PMS1: variants seen among roughly 807,000 people sequenced by gnomAD.
The protein encoded by PMS1 is PMS1 homolog 1, mismatch repair system component.
Under a neutral mutation model 93.1 loss-of-function variants are expected in PMS1, and 79 were observed. The ratio of observed to expected loss-of-function variants is 0.85; its 90% CI spans 0.71 to 1.02. The LOEUF is 1.02. PMS1 is among the 50% of genes least tolerant of loss of function. The pLI, the probability that PMS1 is intolerant of heterozygous loss-of-function variation, is 0.00. For synonymous variants in PMS1, 335 were observed against 363.4 expected, an observed-to-expected ratio of 0.92 and a Z score of 0.89; for missense variants, 1,064 against 1,085.3, an observed-to-expected ratio of 0.98 and a Z score of 0.28.
intron 1 of PMS1, 69 bp from the exon 2 acceptor site, chr2:189,791,721 A>G (rs1184057648): frequency 3.8e-6 from 4 of 1,062,590 alleles, no homozygotes; most frequent in Middle Eastern, 2.6e-4. Context: ...ATCTGTCATT[A>G]TTATTGCCAT....
chr2:189,848,636 T>A (rs931658616), intron 6 of PMS1, among the ~76,000 whole-genome samples: 2 of 152,184 alleles, frequency 1.3e-5, no homozygotes, highest in African/African-American at 4.8e-5. Flanking sequence ...GGTTTTTTTT[T>A]CATGGTGGAT....
Position 189,843,998 on chromosome 2 carries a change from A to C in PMS1, c.617A>C (p.His206Pro). Reference sequence around the variant, plus strand: ...TGGCAGAAAAGCAGAGTATCAGATCACAAGATGGCTCTCATGTCAGTTCTG... The same window carrying C: ...TGGCAGAAAAGCAGAGTATCAGATCCCAAGATGGCTCTCATGTCAGTTCTG... ...VIWQKSRVSD[H>P]KMALMSVLGT... The change falls in exon 6 of 13, where the codon CAC becomes CCC. Residue 206 changes from histidine to proline, a missense_variant. By Grantham distance (77) the His-to-Pro change is moderately conservative. Transcript: ENST00000441310. 1 of 1,614,052 alleles carries C rather than the reference A, an allele frequency of 6.2e-7. No individual in the cohort carries two copies. The highest frequency in any genetic ancestry group is 8.5e-7 in the Non-Finnish European group (1 of 1,179,970).
chr2:189,866,511 T>C (rs558232580), intron 10 of PMS1, among the ~76,000 whole-genome samples: 2 of 152,258 alleles, frequency 1.3e-5, no homozygotes, highest in Admixed American at 6.5e-5. Context: ...AATGCGACAA[T>C]GTGGGCAGGG....
At position 189,854,449 on chromosome 2, in the gene PMS1, G is replaced by T. The variant is rs760960503; in HGVS notation, c.1177G>T (p.Asp393Tyr). 9 of 1,611,566 alleles carry T rather than the reference G, an allele frequency of 5.6e-6. No homozygotes were observed. Among genetic ancestry groups the T allele is most frequent in the Non-Finnish European group, 7.6e-6 (9 of 1,178,138 alleles). ...VDTSVIPFQNDMHNDESGKNT... is the reference protein window; with the variant it reads ...VDTSVIPFQNYMHNDESGKNT... The stretch of plus-strand genomic sequence containing the variant: ...TACTTCAGTCATTCCATTCCAAAAT[G>T]ATATGCATAATGATGAATCTGGAAA... Residue 393 changes from aspartate (D) to tyrosine (Y), a missense_variant, in exon 9 of 13, where the codon GAT becomes TAT. By Grantham distance (160) the Asp-to-Tyr change is radical. Transcript: ENST00000441310.
chr2:189,818,493 T>G (rs957752372), intron 5 of PMS1, among the ~76,000 whole-genome samples: 1 of 152,322 alleles, frequency 6.6e-6, no homozygotes, highest in Non-Finnish European at 1.5e-5. Flanking sequence ...AGTCATCTGG[T>G]ACCTTGATCT....
chr2:189,798,778 T>TTTA (rs1231590822), intron 3 of PMS1, among the ~76,000 whole-genome samples: 1 of 142,264 alleles, frequency 7.0e-6, no homozygotes, highest in Admixed American at 7.0e-5. Flanking sequence ...TTTTTTTTTT[T>TTTA]AGCTGTTGTT....
chr2:189,829,228 C>T (rs1229817126), intron 5 of PMS1, among the ~76,000 whole-genome samples: 22 of 152,100 alleles, frequency 1.4e-4, no homozygotes, highest in Admixed American at 1.2e-3. Flanking sequence ...AAGAAAGTTA[C>T]GATGTAAATG....
chr2:189,865,365 C>T (rs1266135012), intron 10 of PMS1, among the ~76,000 whole-genome samples: 2 of 152,104 alleles, frequency 1.3e-5, no homozygotes, highest in African/African-American at 4.8e-5. Flanking sequence ...CTTCTCTCCC[C>T]TATGTTTAAT....
At chr2:189,797,191 C>T (rs2049436011) in intron 3 of PMS1, among the ~76,000 whole-genome samples, 1 of 152,126 alleles carries the variant, frequency 6.6e-6, no homozygotes, top group Admixed American at 6.5e-5. Flanking sequence ...CTAACCGGTA[C>T]AGTTAGTGAG....
At chr2:189,844,706 C>G (rs1167970323) in intron 6 of PMS1, among the ~76,000 whole-genome samples, 3 of 147,444 alleles carry the variant, frequency 2.0e-5, no homozygotes, top group African/African-American at 7.5e-5. Flanking sequence ...GTACTTAAAA[C>G]TTTTTCTTGA....
intron 9 of PMS1, among the ~76,000 whole-genome samples, chr2:189,858,778 T>C (rs1463234087): frequency 6.6e-6 from 1 of 152,150 alleles, no homozygotes; most frequent in South Asian, 2.1e-4. Context: ...AACTTTAAAA[T>C]TGTGAATATA....
At chr2:189,868,295 T>C (rs2056843336) in intron 11 of PMS1, among the ~76,000 whole-genome samples, 1 of 152,182 alleles carries the variant, frequency 6.6e-6, no homozygotes, top group South Asian at 2.1e-4. Flanking sequence ...AAAATGGACA[T>C]CTTTGCTTTT....
intron 3 of PMS1, among the ~76,000 whole-genome samples, chr2:189,803,935 A>C (rs979532218): frequency 2.6e-5 from 4 of 152,118 alleles, no homozygotes; most frequent in Non-Finnish European, 5.9e-5. Context: ...CTAAGGTCTT[A>C]TTTTGCTTTT....
At chr2:189,789,962 G>A (rs559060752) in intron 1 of PMS1, among the ~76,000 whole-genome samples, 1 of 152,110 alleles carries the variant, frequency 6.6e-6, no homozygotes, top group East Asian at 1.9e-4. Context: ...TCCATAGGAC[G>A]TTTTTGGATT....
At chr2:189,816,016 A>T (rs778758126) in intron 4 of PMS1, among the ~76,000 whole-genome samples, 2 of 152,004 alleles carry the variant, frequency 1.3e-5, no homozygotes, top group Non-Finnish European at 2.9e-5. Context: ...GGATCCTCTC[A>T]CAGCCTCCCA....
intron 4 of PMS1, 149 bp from the exon 5 acceptor site, chr2:189,817,868 G>A: frequency 3.1e-6 from 2 of 649,186 alleles, no homozygotes; most frequent in Non-Finnish European, 5.7e-6. Flanking sequence ...TGGAATCAGA[G>A]TAGTTTGCAA....
At chr2:189,874,118 ACT>A (rs2057370568) in intron 12 of PMS1, among the ~76,000 whole-genome samples, 1 of 151,768 alleles carries the variant, frequency 6.6e-6, no homozygotes, top group African/African-American at 2.4e-5. Flanking sequence ...AAAAAAGAAC[ACT>A]CTATTAAGTT....
At chr2:189,839,231 T>C (rs915494912) in intron 5 of PMS1, among the ~76,000 whole-genome samples, 18 of 152,172 alleles carry the variant, frequency 1.2e-4, no homozygotes, top group African/African-American at 4.1e-4. Flanking sequence ...CCTCAAGTGA[T>C]CCACCCGCCT....
At chr2:189,818,262 G>C in intron 5 of PMS1, 82 bp downstream of exon 5, 1 of 911,796 alleles carries the variant, frequency 1.1e-6, no homozygotes, top group Non-Finnish European at 1.7e-6. Flanking sequence ...TTAGATATGG[G>C]CTATGACTAA....
Sources: allele counts gnomAD v4.1 joint callset (sites outside exome capture counted in the v4.1 genomes callset), GRCh38; gene constraint gnomAD v4.1.1; transcripts MANE v1.5; gene names NCBI Gene and HGNC (gene_info 2026-07-23, HGNC 2026-07-21).